The following OSBPL3 variants were observed in gnomAD, a reference collection of about 807,000 sequenced individuals.
The protein encoded by OSBPL3 is oxysterol-binding protein-related protein 3.
Under a neutral mutation model 120.1 loss-of-function variants are expected in OSBPL3, and 65 were observed. That is an observed-to-expected ratio of 0.54 (90% CI 0.44 to 0.67). The LOEUF (loss-of-function observed/expected upper bound fraction) is 0.67, where lower values mean the gene tolerates loss of function less well. OSBPL3 is among the 30% of genes least tolerant of loss of function. The pLI is 0.00. For missense variants in OSBPL3, 1,004 were observed against 1,082.1 expected (o/e 0.93, Z 1.01); for synonymous variants, 416 against 402.6 (o/e 1.03, Z -0.40).
rs754498662 is a variant in OSBPL3, at chr7:24,854,531, CACACACAA to C, written c.1028-1905_1028-1898del. On this transcript the variant is annotated intron_variant, in intron 10 of 22. Transcript: ENST00000313367. The surrounding 1 kb of genome is among the most constrained non-coding windows in gnomAD (Gnocchi z 4.1). ...ACACACACACACACACACACACACA[CACACACAA>C]ACACACACAATGGTGCTGCCTCTGC... Among the ~76,000 whole-genome samples the C allele has an allele frequency of 5.5e-3, 783 of 143,264 alleles. 5 individuals are homozygous for C. Among genetic ancestry groups the C allele is most frequent in the Non-Finnish European group, 7.7e-3 (497 of 64,834 alleles). The allele number at this position is 143,264 out of a possible 152,430, so 94.0% of individuals were successfully genotyped here. A position where few individuals can be genotyped will look rare whatever the true frequency, so the allele number is the denominator to read the frequency against.
Position 24,805,790 on chromosome 7 carries a change from A to C in OSBPL3, c.2444+986T>G, listed in dbSNP as rs1374786327. 3.3e-5 allele frequency among the ~76,000 whole-genome samples: 5 copies of C among 152,194 alleles called. No homozygotes were observed. The highest frequency in any genetic ancestry group is 7.3e-5 in the Non-Finnish European group (5 of 68,042). On this transcript the variant is annotated intron_variant, in intron 21 of 22. Transcript: ENST00000313367. This position sits in a 1 kb window ranked among gnomAD's most constrained non-coding sequence, Gnocchi z 4.0. ...CTAACAACAGTGTTCAATCCCTGCAAAATGAATTTACCTCCCTATGTCCAT... is the reference window on the plus strand; with the variant it reads ...CTAACAACAGTGTTCAATCCCTGCACAATGAATTTACCTCCCTATGTCCAT...
In OSBPL3 at chr7:24,913,173, A is replaced by C. The variant is rs1341998618; in HGVS notation, c.-149-20552T>G. 6.6e-6 allele frequency among the ~76,000 whole-genome samples: 1 copy of C among 152,190 alleles called. No individual in the cohort carries two copies. Among genetic ancestry groups the C allele is most frequent in the Non-Finnish European group, 1.5e-5 (1 of 68,034 alleles). On this transcript the variant is annotated intron_variant, in intron 1 of 22. Transcript: ENST00000313367. The surrounding 1 kb of genome is among the most constrained non-coding windows in gnomAD (Gnocchi z 5.3). Reference sequence around the variant, plus strand: ...TTTCATCAAGTCCCACCCAAATTAAAGATGTCAGGGATACATAAATATTGT... The same window carrying C: ...TTTCATCAAGTCCCACCCAAATTAACGATGTCAGGGATACATAAATATTGT...
chr7:24,844,446 C>A (rs1798154798), intron 12 of OSBPL3, among the ~76,000 whole-genome samples: 1 of 151,226 alleles, frequency 6.6e-6, no homozygotes, highest in Non-Finnish European at 1.5e-5. Context: ...CACAACAATT[C>A]TTCTTCTTCC....
In OSBPL3 at chr7:24,873,640, C is replaced by T. The variant is rs997732195; in HGVS notation, c.97-1571G>A. On this transcript the variant is annotated intron_variant, in intron 2 of 22. Transcript: ENST00000313367. The surrounding 1 kb of genome is among the most constrained non-coding windows in gnomAD (Gnocchi z 4.1). Reference sequence around the variant, plus strand: ...AATGTTGAATGAGATTTCTTCATAACAAAATTATTACCAATTATTCCAAGT... The same window carrying T: ...AATGTTGAATGAGATTTCTTCATAATAAAATTATTACCAATTATTCCAAGT... Among the ~76,000 whole-genome samples the T allele has an allele frequency of 1.3e-5, 2 of 151,260 alleles. No individual in the cohort carries two copies. The highest frequency in any genetic ancestry group is 2.4e-5 in the African/African-American group (1 of 41,152).
chr7:24,848,173 A>G (rs1798671791), intron 12 of OSBPL3, among the ~76,000 whole-genome samples: 2 of 152,208 alleles, frequency 1.3e-5, no homozygotes, highest in South Asian at 4.1e-4. Context: ...TGGCTTCCCA[A>G]GGAGTGAAGG....
intron 19 of OSBPL3, among the ~76,000 whole-genome samples, chr7:24,812,739 G>A (rs942201265): frequency 2.6e-5 from 4 of 152,112 alleles, no homozygotes; most frequent in Non-Finnish European, 4.4e-5. Flanking sequence ...TTCAGCTTCC[G>A]CATTTCAAGG....
intron 10 of OSBPL3, among the ~76,000 whole-genome samples, chr7:24,861,172 G>T (rs1482232523): frequency 6.6e-6 from 1 of 152,108 alleles, no homozygotes; most frequent in African/African-American, 2.4e-5. Flanking sequence ...TTTCCTAATG[G>T]CTAATGATGT....
rs764965967 is a variant in OSBPL3, at chr7:24,830,787, A to T, written c.1865T>A (p.Phe622Tyr). The T allele has an allele frequency of 3.1e-6, 5 of 1,610,736 alleles. No individual in the cohort carries two copies. Among genetic ancestry groups the T allele is most frequent in the Non-Finnish European group, 4.2e-6 (5 of 1,179,208 alleles). The change falls in exon 16 of 23, where the codon TTC (phenylalanine) becomes TAC (tyrosine). Residue 622 changes from phenylalanine to tyrosine, a missense_variant. Phe to Tyr is a conservative substitution (Grantham distance 22). Transcript: ENST00000313367. The surrounding 1 kb of genome is among the most constrained non-coding windows in gnomAD (Gnocchi z 4.4). Reference sequence around the variant, plus strand: ...ATCTACCTGTTCTGAAAAAAACTGGAAGCCCTTGTCCTCCCGAATACATTC... The same window carrying T: ...ATCTACCTGTTCTGAAAAAAACTGGTAGCCCTTGTCCTCCCGAATACATTC... Reference protein sequence around the residue: ...TYECIREDKGFQFFSEQVSHH... With the variant: ...TYECIREDKGYQFFSEQVSHH...
Position 24,802,035 on chromosome 7 carries a change from G to A in OSBPL3, c.2568-1756C>T, listed in dbSNP as rs1584158404. Among the ~76,000 whole-genome samples the A allele has an allele frequency of 6.6e-6, 1 of 152,336 alleles. No homozygotes were observed. Among genetic ancestry groups the A allele is most frequent in the East Asian group, 1.9e-4 (1 of 5,192 alleles). On this transcript the variant is annotated intron_variant, in intron 22 of 22. Coordinates refer to ENST00000313367, the MANE Select transcript of OSBPL3 (RefSeq NM_015550.4). The surrounding 1 kb of genome is among the most constrained non-coding windows in gnomAD (Gnocchi z 4.1). ...GCTGGGTCAAAGAGTATGTGCATTTGTGATTCTGACTGATATTACCATATG... is the reference window on the plus strand; with the variant it reads ...GCTGGGTCAAAGAGTATGTGCATTTATGATTCTGACTGATATTACCATATG...
At chr7:24,975,853 A>G (rs879892258) in intron 1 of OSBPL3, among the ~76,000 whole-genome samples, 1 of 152,240 alleles carries the variant, frequency 6.6e-6, no homozygotes, top group Non-Finnish European at 1.5e-5. Flanking sequence ...AAAGCAGTTT[A>G]TGAGTTCAGC....
In OSBPL3 at chr7:24,798,516, T is replaced by C. The variant is rs767395902; in HGVS notation, c.*1667A>G. The stretch of plus-strand genomic sequence containing the variant: ...CTTAGAAATGGAAATGATATTCACA[T>C]TGTGTTCATCTTGGCATCTCGATAA... On this transcript the variant is annotated 3_prime_UTR_variant, in exon 23 of 23. Transcript: ENST00000313367. This position sits in a 1 kb window ranked among gnomAD's most constrained non-coding sequence, Gnocchi z 4.6. The C allele has an allele frequency of 2.6e-5, 4 of 152,248 alleles. No individual in the cohort carries two copies. Among genetic ancestry groups the C allele is most frequent in the Non-Finnish European group, 4.4e-5 (3 of 68,040 alleles). The allele number at this position is 152,248 out of a possible 1,614,324, so 9.4% of individuals were successfully genotyped here.
chr7:24,869,925 A>T (rs1801873045), intron 5 of OSBPL3, among the ~76,000 whole-genome samples: 1 of 152,190 alleles, frequency 6.6e-6, no homozygotes, highest in Non-Finnish European at 1.5e-5. Context: ...AAGTAAGAAA[A>T]CAGTCTTAGT....
chr7:24,893,152 G>A (rs1805617332), intron 1 of OSBPL3, among the ~76,000 whole-genome samples: 1 of 152,094 alleles, frequency 6.6e-6, no homozygotes, highest in Admixed American at 6.5e-5. Context: ...GAAAACAGGT[G>A]CTCAAACAAA....
intron 1 of OSBPL3, among the ~76,000 whole-genome samples, chr7:24,909,142 C>A (rs926308867): frequency 2.6e-5 from 4 of 152,190 alleles, no homozygotes. Flanking sequence ...GGGGTGATAA[C>A]TGATAGATCT....
intron 1 of OSBPL3, among the ~76,000 whole-genome samples, chr7:24,945,647 T>C (rs1171871442): frequency 3.9e-5 from 6 of 152,066 alleles, no homozygotes; most frequent in Non-Finnish European, 7.4e-5. Context: ...GGGAAAAAAA[T>C]AGAAGTACAC....
intron 1 of OSBPL3, chr7:24,906,223 A>G (rs1161933847): frequency 3.9e-6 from 1 of 255,980 alleles, no homozygotes; most frequent in Non-Finnish European, 8.0e-6. Context: ...GTGACCTCCC[A>G]TGGCAGCCTC....
Position 24,939,877 on chromosome 7 carries a change from T to C in OSBPL3, c.-150+40009A>G, listed in dbSNP as rs541977757. ...AGGAGGGAGAGCATTAGGACAAATA[T>C]CTAATGCATGCAGGTCTTAAAACCT... On this transcript the variant is annotated intron_variant, in intron 1 of 22. Coordinates refer to ENST00000313367, the MANE Select transcript of OSBPL3 (RefSeq NM_015550.4). The surrounding 1 kb of genome is among the most constrained non-coding windows in gnomAD (Gnocchi z 4.2). Among the ~76,000 whole-genome samples, 3 of 152,136 alleles carry C rather than the reference T, an allele frequency of 2.0e-5. No homozygotes were observed. The highest frequency in any genetic ancestry group is 7.2e-5 in the African/African-American group (3 of 41,502).
At chr7:24,890,148 T>C (rs939572964) in intron 2 of OSBPL3, among the ~76,000 whole-genome samples, 5 of 152,216 alleles carry the variant, frequency 3.3e-5, no homozygotes, top group Non-Finnish European at 7.3e-5. Context: ...ATATCAGATG[T>C]ATCCCCTCCA....
In OSBPL3 at chr7:24,806,993, A is replaced by T; in HGVS notation, c.2318-91T>A. ...ACCTTTTTCGTCTCAGCCTAGCTAC[A>T]ATTTTTCTCTCTCAGCTCCCTTCCA... On this transcript the variant is annotated intron_variant, in intron 20 of 22. Coordinates refer to ENST00000313367, the MANE Select transcript of OSBPL3 (RefSeq NM_015550.4). This position sits in a 1 kb window ranked among gnomAD's most constrained non-coding sequence, Gnocchi z 5.2. The T allele has an allele frequency of 1.8e-6, 2 of 1,136,404 alleles. No individual in the cohort carries two copies. The highest frequency in any genetic ancestry group is 2.5e-6 in the Non-Finnish European group (2 of 806,002). 70.4% of individuals were successfully genotyped at this position (1,136,404 alleles called of 1,614,324 possible). A position where few individuals can be genotyped will look rare whatever the true frequency, so the allele number is the denominator to read the frequency against.
Sources: allele counts gnomAD v4.1 joint callset (sites outside exome capture counted in the v4.1 genomes callset), GRCh38; gene constraint gnomAD v4.1.1; non-coding constraint Gnocchi (gnomAD v3.1); transcripts MANE v1.5; gene names NCBI Gene and HGNC (gene_info 2026-07-23, HGNC 2026-07-21).